Variants in HDAC9 observed in about 807,000 individuals in gnomAD.
The protein encoded by HDAC9 is histone deacetylase 9, also known as MEF-2 interacting transcription repressor (MITR) protein.
Under a neutral mutation model 139.4 loss-of-function variants are expected in HDAC9, and 41 were observed. The observed-to-expected ratio is 0.29, with a 90% CI of 0.23 to 0.38. HDAC9 has a LOEUF of 0.38. Among genes scored for constraint, HDAC9 ranks in the 10% least tolerant of loss-of-function variants. HDAC9 has a pLI of 1.00. For synonymous variants in HDAC9, 517 were observed against 476.2 expected (o/e 1.09, Z -1.12); for missense variants, 1,147 against 1,297.0 (o/e 0.88, Z 1.78).
intron 2 of HDAC9, among the ~76,000 whole-genome samples, chr7:18,272,596 G>A (rs1796424570): frequency 6.6e-6 from 1 of 152,070 alleles, no homozygotes; most frequent in Non-Finnish European, 1.5e-5. Flanking sequence ...AAACCTCGAA[G>A]TAGGCCTAAT....
chr7:18,781,179 G>C (rs1486358799), intron 16 of HDAC9, among the ~76,000 whole-genome samples: 1 of 151,944 alleles, frequency 6.6e-6, no homozygotes, highest in African/African-American at 2.4e-5. Flanking sequence ...CCACCCTTAT[G>C]ATCTCATTTA....
At position 18,590,587 on chromosome 7, in the gene HDAC9, A is replaced by G. The variant is rs1830673566; in HGVS notation, c.415+101A>G. Reference sequence around the variant, plus strand: ...AAAGAGTGCGGTTAGACTCGTCAAAATTATCTGTGTTTAATTAAAAGCATA... The same window carrying G: ...AAAGAGTGCGGTTAGACTCGTCAAAGTTATCTGTGTTTAATTAAAAGCATA... On this transcript the variant is annotated intron_variant, in intron 4 of 25. Transcript: ENST00000686413. 6 of 1,133,726 alleles carry G rather than the reference A, an allele frequency of 5.3e-6. No individual in the cohort carries two copies. The South Asian group carries it at 5.4e-5, about 10-fold the overall frequency. 70.2% of individuals were successfully genotyped at this position (1,133,726 alleles called of 1,614,324 possible).
intron 2 of HDAC9, among the ~76,000 whole-genome samples, chr7:18,206,759 G>C (rs1033848588): frequency 6.6e-6 from 1 of 152,112 alleles, no homozygotes; most frequent in Admixed American, 6.6e-5. Context: ...GGTGCATCAT[G>C]CTTTTTGAGG....
intron 1 of HDAC9, among the ~76,000 whole-genome samples, chr7:18,363,866 C>T (rs1309778094): frequency 2.0e-5 from 3 of 152,110 alleles, no homozygotes; most frequent in Non-Finnish European, 4.4e-5. Flanking sequence ...TGAAAGGATA[C>T]TGACTGCCCC....
chr7:18,387,224 C>G (rs1247796704), intron 1 of HDAC9, among the ~76,000 whole-genome samples: 1 of 152,168 alleles, frequency 6.6e-6, no homozygotes, highest in Non-Finnish European at 1.5e-5. Context: ...GGAATCTACC[C>G]TGCCACAGCT....
intron 1 of HDAC9, among the ~76,000 whole-genome samples, chr7:18,386,202 A>G (rs1785916964): frequency 1.3e-5 from 2 of 152,098 alleles, no homozygotes; most frequent in South Asian, 2.1e-4. Flanking sequence ...CTCTGACACC[A>G]TGTACCTTGT....
At chr7:18,528,070 C>T (rs894641839) in intron 2 of HDAC9, among the ~76,000 whole-genome samples, 1 of 151,938 alleles carries the variant, frequency 6.6e-6, no homozygotes, top group African/African-American at 2.4e-5. Flanking sequence ...GCAGTAGGAT[C>T]ACTTGAACTC....
intron 22 of HDAC9, among the ~76,000 whole-genome samples, chr7:18,901,794 A>G (rs1307660991): frequency 6.6e-6 from 1 of 152,152 alleles, no homozygotes; most frequent in Non-Finnish European, 1.5e-5. Flanking sequence ...AGTATTTTTA[A>G]TCTTTTAAAT....
intron 12 of HDAC9, among the ~76,000 whole-genome samples, chr7:18,705,845 T>A (rs1394233123): frequency 1.6e-5 from 2 of 121,284 alleles, no homozygotes; most frequent in Non-Finnish European, 3.2e-5. Flanking sequence ...AGAGAGAGAC[T>A]CTGTCTCAAA....
intron 1 of HDAC9, among the ~76,000 whole-genome samples, chr7:18,421,779 A>T (rs1026195955): frequency 3.9e-5 from 6 of 152,220 alleles, no homozygotes; most frequent in African/African-American, 1.4e-4. Flanking sequence ...GATTAGACTC[A>T]GGGTGAATGC....
At chr7:18,357,939 G>A (rs1562913241) in intron 1 of HDAC9, among the ~76,000 whole-genome samples, 1 of 152,176 alleles carries the variant, frequency 6.6e-6, no homozygotes, top group Non-Finnish European at 1.5e-5. Flanking sequence ...AAGAAAAACA[G>A]CAACATTATC....
intron 1 of HDAC9, among the ~76,000 whole-genome samples, chr7:18,116,586 TG>T (rs1233085583): frequency 2.0e-5 from 3 of 152,122 alleles, no homozygotes; most frequent in Non-Finnish European, 4.4e-5. Context: ...AAAATATATA[TG>T]TTTTGGTTAA....
chr7:18,269,655 G>A (rs1259770874), intron 2 of HDAC9, among the ~76,000 whole-genome samples: 1 of 152,126 alleles, frequency 6.6e-6, no homozygotes, highest in East Asian at 1.9e-4. Context: ...CCTGGAGTTG[G>A]AGGTTGGAGT....
intron 12 of HDAC9, among the ~76,000 whole-genome samples, chr7:18,714,351 G>T (rs1309674555): frequency 6.6e-6 from 1 of 152,118 alleles, no homozygotes; most frequent in Non-Finnish European, 1.5e-5. Context: ...TCAATCCTCA[G>T]GCCCAAACTC....
chr7:18,861,688 G>T (rs567776374), intron 21 of HDAC9, among the ~76,000 whole-genome samples: 11 of 152,182 alleles, frequency 7.2e-5, no homozygotes, highest in African/African-American at 2.6e-4. Context: ...CACATCTTAG[G>T]CAAGGAAAGT....
chr7:18,193,871 G>A (rs1477139136), intron 2 of HDAC9, among the ~76,000 whole-genome samples: 2 of 152,214 alleles, frequency 1.3e-5, no homozygotes, highest in Non-Finnish European at 2.9e-5. Context: ...TCCTGAAGGT[G>A]GTGTTCTGTT....
chr7:18,227,169 T>C (rs1793111730), intron 2 of HDAC9, among the ~76,000 whole-genome samples: 1 of 152,226 alleles, frequency 6.6e-6, no homozygotes, highest in African/African-American at 2.4e-5. Flanking sequence ...AATGGGTTTA[T>C]GTTAAAGCTA....
chr7:18,593,406 C>A (rs375268598), intron 5 of HDAC9, among the ~76,000 whole-genome samples: 1 of 152,050 alleles, frequency 6.6e-6, no homozygotes, highest in Non-Finnish European at 1.5e-5. Flanking sequence ...ACTGAAACTG[C>A]CCCAGAAGTC....
chr7:18,122,492 C>T (rs1308140269), intron 1 of HDAC9, among the ~76,000 whole-genome samples: 1 of 152,178 alleles, frequency 6.6e-6, no homozygotes, highest in Non-Finnish European at 1.5e-5. Flanking sequence ...ATTTTTCCTA[C>T]TATATCCTTA....
Sources: gnomAD v4.1 joint callset for allele counts (sites outside exome capture counted in the v4.1 genomes callset) on GRCh38, gnomAD v4.1.1 for gene constraint, MANE v1.5 for transcripts, NCBI Gene and HGNC (gene_info 2026-07-23, HGNC 2026-07-21) for gene names.